The following XKR4 variants were observed in gnomAD, a reference collection of about 807,000 sequenced individuals.
XKR4 encodes the protein XK-related protein 4.
A neutral mutation model predicts 53.9 loss-of-function variants in XKR4; 12 were observed. The observed-to-expected ratio is 0.22, with a 90% CI of 0.14 to 0.36. The LOEUF (loss-of-function observed/expected upper bound fraction) is 0.36, where lower values mean the gene tolerates loss of function less well. Ranked by LOEUF, XKR4 falls within the 10% of genes least tolerant of loss-of-function variation. The pLI, the probability that XKR4 is intolerant of heterozygous loss-of-function variation, is 1.00. For synonymous variants in XKR4, 354 were observed against 362.4 expected (o/e 0.98, Z 0.26); for missense variants, 799 against 859.5 (o/e 0.93, Z 0.88).
chr8:55,433,983 G>A (rs1192451465), intron 2 of XKR4, among the ~76,000 whole-genome samples: 1 of 152,178 alleles, frequency 6.6e-6, no homozygotes, highest in Non-Finnish European at 1.5e-5. Flanking sequence ...GCAGTGAGCT[G>A]TGATCACACC....
intron 1 of XKR4, among the ~76,000 whole-genome samples, chr8:55,276,425 TACA>T (rs1818765114): frequency 1.3e-5 from 2 of 152,340 alleles, no homozygotes; most frequent in South Asian, 2.1e-4. Context: ...TCGCTGTCAA[TACA>T]ACAATAGCGA....
intron 1 of XKR4, among the ~76,000 whole-genome samples, chr8:55,153,127 C>T (rs1816861314): frequency 6.6e-6 from 1 of 152,180 alleles, no homozygotes; most frequent in South Asian, 2.1e-4. Context: ...GATCCAGACT[C>T]AAGGTCCACA....
intron 2 of XKR4, among the ~76,000 whole-genome samples, chr8:55,401,313 C>A (rs1804598492): frequency 6.6e-6 from 1 of 152,148 alleles, no homozygotes; most frequent in Non-Finnish European, 1.5e-5. Flanking sequence ...CCAGAGCACA[C>A]AAGGAGTGGG....
chr8:55,211,508 G>A (rs1817729813), intron 1 of XKR4, among the ~76,000 whole-genome samples: 1 of 152,114 alleles, frequency 6.6e-6, no homozygotes, highest in Non-Finnish European at 1.5e-5. Flanking sequence ...CTTTACTATG[G>A]TATGTCACTA....
At chr8:55,229,342 A>C (rs1329746321) in intron 1 of XKR4, among the ~76,000 whole-genome samples, 1 of 152,254 alleles carries the variant, frequency 6.6e-6, no homozygotes, top group Non-Finnish European at 1.5e-5. Context: ...GACAGCTGGG[A>C]GACGCAGAGC....
At chr8:55,518,361 T>C (rs1242980678) in intron 2 of XKR4, among the ~76,000 whole-genome samples, 1 of 152,214 alleles carries the variant, frequency 6.6e-6, no homozygotes. Flanking sequence ...TTTGGAATAC[T>C]CTTTCTTTTT....
intron 1 of XKR4, among the ~76,000 whole-genome samples, chr8:55,179,534 A>G (rs971336446): frequency 6.6e-6 from 1 of 152,204 alleles, no homozygotes; most frequent in Non-Finnish European, 1.5e-5. Flanking sequence ...TTGATTTTTA[A>G]ATAGCCGAAG....
rs1190664189 is a variant in XKR4, at chr8:55,530,526, G to A, written c.*6299G>A. On this transcript the variant is annotated 3_prime_UTR_variant, in exon 3 of 3. Transcript: ENST00000327381. The stretch of plus-strand genomic sequence containing the variant: ...ATGACAGAGTTGTAACCCATTCAAT[G>A]ATATTGTTGCCTAGTAAGCTGTGTG... 1 of 152,190 alleles carries A rather than the reference G, an allele frequency of 6.6e-6. No individual in the cohort carries two copies. Among genetic ancestry groups the A allele is most frequent in the African/African-American group, 2.4e-5 (1 of 41,452 alleles). 9.4% of individuals were successfully genotyped at this position (152,190 alleles called of 1,614,324 possible). A position where few individuals can be genotyped will look rare whatever the true frequency, so the allele number is the denominator to read the frequency against.
At chr8:55,168,548 G>T (rs1817103149) in intron 1 of XKR4, among the ~76,000 whole-genome samples, 2 of 152,166 alleles carry the variant, frequency 1.3e-5, no homozygotes, top group South Asian at 4.1e-4. Flanking sequence ...GCATTAAAAT[G>T]AATGGTTTTG....
chr8:55,393,834 T>A (rs1185292335), intron 2 of XKR4, among the ~76,000 whole-genome samples: 1 of 152,198 alleles, frequency 6.6e-6, no homozygotes, highest in Non-Finnish European at 1.5e-5. Flanking sequence ...AAATGCCTCC[T>A]TTTTCCAAGT....
intron 2 of XKR4, among the ~76,000 whole-genome samples, chr8:55,521,404 CT>C (rs987617342): frequency 7.9e-5 from 12 of 152,302 alleles, no homozygotes; most frequent in African/African-American, 2.6e-4. Flanking sequence ...CTCCTTCCCC[CT>C]CTTTCACTCC....
At position 55,472,528 on chromosome 8, in the gene XKR4, C is replaced by A. The variant is rs1337303320; in HGVS notation, c.1007-50753C>A. 3.3e-5 allele frequency among the ~76,000 whole-genome samples: 5 copies of A among 152,068 alleles called. No homozygotes were observed. The East Asian group carries it at 5.8e-4, about 18-fold the overall frequency. On this transcript the variant is annotated intron_variant, in intron 2 of 2. Transcript: ENST00000327381. ...AAACGAGACCAGGTCTAAGGGCTGA[C>A]CCCAGTTCAGTGAGTGTTGGAGTGT...
intron 2 of XKR4, among the ~76,000 whole-genome samples, chr8:55,385,909 C>A (rs1032220963): frequency 6.6e-6 from 1 of 152,122 alleles, no homozygotes; most frequent in Non-Finnish European, 1.5e-5. Context: ...TGTTTTATGG[C>A]TCCTAATTCT....
rs1189522646 is a variant in XKR4, at chr8:55,103,300, G to A, written c.806+6G>A. On this transcript the variant is annotated splice_donor_region_variant and intron_variant, in intron 1 of 2. Transcript: ENST00000327381. The stretch of plus-strand genomic sequence containing the variant: ...CAGCTCGGGCAAATCTGGAGGTACT[G>A]TAATGGGTGGGGGAAAAGGGAGGCT... The A allele has an allele frequency of 6.3e-7, 1 of 1,589,272 alleles. No individual in the cohort carries two copies. Among genetic ancestry groups the A allele is most frequent in the East Asian group, 2.2e-5 (1 of 44,452 alleles).
chr8:55,350,738 C>CTTTTTTTTTTT (rs1028164969), intron 1 of XKR4, among the ~76,000 whole-genome samples: 143 of 122,324 alleles, frequency 1.2e-3, no homozygotes, highest in Non-Finnish European at 1.5e-3. Context: ...TTTTTCTTTT[C>CTTTTTTTTTTT]TTTTTTTTTT....
At chr8:55,364,381 G>C (rs910903116) in intron 2 of XKR4, among the ~76,000 whole-genome samples, 2 of 152,156 alleles carry the variant, frequency 1.3e-5, no homozygotes, top group African/African-American at 4.8e-5. Flanking sequence ...AGACTCCTAC[G>C]GGATGAGCCC....
At chr8:55,454,414 C>A in intron 2 of XKR4, 1 of 1,322,806 alleles carries the variant, frequency 7.6e-7, no homozygotes, top group Non-Finnish European at 1.1e-6. Flanking sequence ...CCAGGAGGCT[C>A]CTGCAGGCAT....
At chr8:55,162,731 T>C (rs2129357314) in intron 1 of XKR4, among the ~76,000 whole-genome samples, 1 of 152,274 alleles carries the variant, frequency 6.6e-6, no homozygotes, top group East Asian at 1.9e-4. Context: ...CAATTTAGGG[T>C]ATTACTGTGT....
intron 1 of XKR4, among the ~76,000 whole-genome samples, chr8:55,140,885 C>A (rs572138042): frequency 6.6e-6 from 1 of 152,252 alleles, no homozygotes; most frequent in South Asian, 2.1e-4. Flanking sequence ...GTCTGAGAGA[C>A]CTTTCAGATG....
Sources: allele counts gnomAD v4.1 joint callset (sites outside exome capture counted in the v4.1 genomes callset), GRCh38; gene constraint gnomAD v4.1.1; transcripts MANE v1.5; gene names NCBI Gene and HGNC (gene_info 2026-07-23, HGNC 2026-07-21).